The following NR2F1 variants were observed in gnomAD, a reference collection of about 807,000 sequenced individuals.
NR2F1 encodes COUP transcription factor 1.
In NR2F1, 1 loss-of-function variant was observed where a neutral mutation model predicts 37.7. That is an observed-to-expected ratio of 0.03 (90% CI 0.01 to 0.13). The LOEUF is 0.13. NR2F1 is among the 10% of genes least tolerant of loss of function. The pLI is 1.00. For synonymous variants in NR2F1, 275 were observed against 259.6 expected, an observed-to-expected ratio of 1.06 and a Z score of -0.57; for missense variants, 268 against 578.4, an observed-to-expected ratio of 0.46 and a Z score of 5.50.
chr5:93,587,788 G>T (rs947686253), intron 1 of NR2F1, 129 bp from the exon 2 acceptor site: 12 of 972,212 alleles, frequency 1.2e-5, no homozygotes. Flanking sequence ...AGAGCGAGCC[G>T]GAGAAGATGC....
chr5:93,585,577 C>A, intron 1 of NR2F1, 91 bp downstream of exon 1: 2 of 1,044,344 alleles, frequency 1.9e-6, no homozygotes, highest in Non-Finnish European at 2.8e-6. Flanking sequence ...CTGTGTGGGG[C>A]TGGGGCTCCT....
At chr5:93,585,907 T>G (rs1157925025) in intron 1 of NR2F1, among the ~76,000 whole-genome samples, 1 of 151,566 alleles carries the variant, frequency 6.6e-6, no homozygotes. Flanking sequence ...GTTTCTGTGG[T>G]TTTTTTTCAT....
At chr5:93,585,537 C>CTT in intron 1 of NR2F1, 51 bp downstream of exon 1, 3 of 1,461,814 alleles carry the variant, frequency 2.1e-6, no homozygotes, top group Non-Finnish European at 2.8e-6. Flanking sequence ...GCCTCCCTGG[C>CTT]TCTTTCTTTC....
intron 2 of NR2F1, 44 bp downstream of exon 2, chr5:93,588,488 G>A (rs960666184): frequency 7.0e-7 from 1 of 1,423,356 alleles, no homozygotes; most frequent in African/African-American, 1.5e-5. Flanking sequence ...CCGGCAGCGA[G>A]CGCAGGCCCC....
At chr5:93,588,643 C>T (rs1753275579) in intron 2 of NR2F1, among the ~76,000 whole-genome samples, 199 bp downstream of exon 2, 1 of 150,364 alleles carries the variant, frequency 6.7e-6, no homozygotes. Flanking sequence ...GGGAGCGCGG[C>T]GGTGCGGGAA....
Position 93,594,201 on chromosome 5 carries a change from G to A in NR2F1, c.*359G>A, listed in dbSNP as rs1418067687. ...ACTAATGGACCTTCCAGGATTTATT[G>A]TGGACGGATGTGGATATATTCTGTA... is the stretch of plus-strand genomic sequence containing the variant. On this transcript the variant is annotated 3_prime_UTR_variant, in exon 3 of 3. Transcript: ENST00000327111. The A allele has an allele frequency of 3.9e-6, 1 of 253,766 alleles. No individual in the cohort carries two copies. The highest frequency in any genetic ancestry group is 7.6e-6 in the Non-Finnish European group (1 of 132,188). 15.7% of individuals were successfully genotyped at this position (253,766 alleles called of 1,614,324 possible). A position where few individuals can be genotyped will look rare whatever the true frequency, so the allele number is the denominator to read the frequency against.
chr5:93,591,072 T>G (rs1437430008), intron 2 of NR2F1, among the ~76,000 whole-genome samples: 1 of 152,244 alleles, frequency 6.6e-6, no homozygotes, highest in African/African-American at 2.4e-5. Context: ...CTCTTCTGAA[T>G]GCACAACATG....
chr5:93,593,581 T>G lies in NR2F1; in HGVS notation c.1011T>G (p.Asp337Glu), dbSNP rs1428684864. The change falls in exon 3 of 3, where the codon GAT becomes GAG. Residue 337 changes from aspartate to glutamate, a missense_variant. Physicochemically the swap from Asp to Glu is conservative, Grantham distance 45. Coordinates refer to ENST00000327111, the MANE Select transcript of NR2F1 (RefSeq NM_005654.6). This position sits in a 1 kb window ranked among gnomAD's most constrained non-coding sequence, Gnocchi z 5.6. Reference protein sequence around the residue: ...LFTSDACGLSDAAHIESLQEK... With the variant: ...LFTSDACGLSEAAHIESLQEK... ...GGGCAGACGCCTGTGGCCTGTCGGA[T>G]GCGGCCCACATCGAGAGCCTGCAGG... 6.2e-7 allele frequency: 1 copy of G among 1,613,690 alleles called. No individual in the cohort carries two copies. The highest frequency in any genetic ancestry group is 1.1e-5 in the South Asian group (1 of 91,058).
Position 93,593,776 on chromosome 5 carries a change from C to A in NR2F1, c.1206C>A (p.Leu402=), listed in dbSNP as rs1490719788. The A allele has an allele frequency of 6.2e-7, 1 of 1,614,238 alleles. No individual in the cohort carries two copies. Among genetic ancestry groups the A allele is most frequent in the Admixed American group, 1.7e-5 (1 of 60,034 alleles). ...TAGGTAAAACCCCCATCGAAACTCT[C>A]ATCCGCGATATGTTACTGTCTGGGA... is the stretch of plus-strand genomic sequence containing the variant. ...RLVGKTPIET[L]IRDMLLSGSS... The change falls in exon 3 of 3, where the codon CTC becomes CTA. Residue 402 remains leucine (L), a synonymous_variant. Transcript: ENST00000327111. This position sits in a 1 kb window ranked among gnomAD's most constrained non-coding sequence, Gnocchi z 5.6.
At chr5:93,591,743 G>A (rs1202781741) in intron 2 of NR2F1, among the ~76,000 whole-genome samples, 1 of 152,136 alleles carries the variant, frequency 6.6e-6, no homozygotes, top group East Asian at 1.9e-4. Flanking sequence ...CATTGTCTAG[G>A]GCTGAGAATG....
At chr5:93,591,411 T>A (rs957008556) in intron 2 of NR2F1, among the ~76,000 whole-genome samples, 1 of 152,172 alleles carries the variant, frequency 6.6e-6, no homozygotes, top group African/African-American at 2.4e-5. Flanking sequence ...ATTTCCAGAC[T>A]GGGAAGCCAG....
chr5:93,589,346 T>G (rs1753292758), intron 2 of NR2F1, among the ~76,000 whole-genome samples: 1 of 152,244 alleles, frequency 6.6e-6, no homozygotes, highest in Admixed American at 6.5e-5. Context: ...TGAAGGGCTC[T>G]GGTCTGAGCC....
At chr5:93,585,543 C>A in intron 1 of NR2F1, 57 bp downstream of exon 1, 1 of 1,423,722 alleles carries the variant, frequency 7.0e-7, no homozygotes, top group South Asian at 1.2e-5. Context: ...CTGGCTCTTT[C>A]TTTCTTTCTC....
At chr5:93,588,479 C>A in intron 2 of NR2F1, 35 bp downstream of exon 2, 1 of 1,452,038 alleles carries the variant, frequency 6.9e-7, no homozygotes. Flanking sequence ...CAGGCCGCGC[C>A]GGCAGCGAGC....
Position 93,593,734 on chromosome 5 carries a change from C to A in NR2F1, c.1164C>A (p.Leu388=). ...TGTCCTCCTCCGTCATCGAGCAGCT[C>A]TTCTTCGTCCGTTTGGTAGGTAAAA... ...RTVSSSVIEQ[L]FFVRLVGKTP... Residue 388 remains leucine (L), a synonymous_variant, in exon 3 of 3, where the codon CTC becomes CTA. Transcript: ENST00000327111. The surrounding 1 kb of genome is among the most constrained non-coding windows in gnomAD (Gnocchi z 5.6). 1 of 1,614,224 alleles carries A rather than the reference C, an allele frequency of 6.2e-7. No homozygotes were observed. The highest frequency in any genetic ancestry group is 2.2e-5 in the East Asian group (1 of 44,884).
At chr5:93,589,327 C>T (rs982541069) in intron 2 of NR2F1, among the ~76,000 whole-genome samples, 2 of 152,214 alleles carry the variant, frequency 1.3e-5, no homozygotes, top group Admixed American at 1.3e-4. Flanking sequence ...AGTGCATTAA[C>T]GTTTCCTTTG....
chr5:93,587,441 G>A (rs961501860), intron 1 of NR2F1: 18 of 157,410 alleles, frequency 1.1e-4, no homozygotes, highest in Non-Finnish European at 2.2e-4. Flanking sequence ...TTAAGAGAAT[G>A]TGGAAACATT....
Position 93,588,060 on chromosome 5 carries a change from T to C in NR2F1, c.607T>C (p.Tyr203His). Residue 203 changes from tyrosine (Y) to histidine (H), a missense_variant, in exon 2 of 3, where the codon TAC (tyrosine) becomes CAC (histidine). Physicochemically the swap from Tyr to His is moderately conservative, Grantham distance 83. Around this residue, in one of 5 missense-constraint regions of NR2F1, gnomAD observed 42 missense variants for 72.5 expected, o/e 0.58. Coordinates refer to ENST00000327111, the MANE Select transcript of NR2F1 (RefSeq NM_005654.6). ...CGCCGAGCCCTACCCCACGTCGCGCTACGGCAGCCAGTGCATGCAGCCCAA... is the reference window on the plus strand; with the variant it reads ...CGCCGAGCCCTACCCCACGTCGCGCCACGGCAGCCAGTGCATGCAGCCCAA... ...LRAEPYPTSR[Y>H]GSQCMQPNNI... 1 of 1,614,054 alleles carries C rather than the reference T, an allele frequency of 6.2e-7. No individual in the cohort carries two copies. Among genetic ancestry groups the C allele is most frequent in the Non-Finnish European group, 8.5e-7 (1 of 1,179,996 alleles).
intron 1 of NR2F1, among the ~76,000 whole-genome samples, chr5:93,586,223 A>AT (rs909937296): frequency 1.3e-5 from 2 of 151,766 alleles, no homozygotes; most frequent in Non-Finnish European, 2.9e-5. Context: ...TAGTTGTGTC[A>AT]TTTTTTTTAA....
Sources: gnomAD v4.1 joint callset for allele counts (sites outside exome capture counted in the v4.1 genomes callset) on GRCh38, gnomAD v4.1.1 for gene constraint, gnomAD v4.1.1 regional missense constraint, Gnocchi (gnomAD v3.1) non-coding constraint, MANE v1.5 for transcripts, NCBI Gene and HGNC (gene_info 2026-07-23, HGNC 2026-07-21) for gene names.